PTPRG: variants seen among roughly 807,000 people sequenced by gnomAD.
PTPRG encodes receptor-type tyrosine-protein phosphatase gamma.
Under a neutral mutation model 165.3 loss-of-function variants are expected in PTPRG, and 102 were observed. That is an observed-to-expected ratio of 0.62 (90% CI 0.53 to 0.73). The LOEUF (loss-of-function observed/expected upper bound fraction) is 0.73, where lower values mean the gene tolerates loss of function less well. PTPRG is among the 30% of genes least tolerant of loss of function. The pLI is 0.00. For missense variants in PTPRG, 1,866 were observed against 1,861.4 expected, an observed-to-expected ratio of 1.00 and a Z score of -0.05; for synonymous variants, 675 against 669.5, an observed-to-expected ratio of 1.01 and a Z score of -0.13.
intron 1 of PTPRG, among the ~76,000 whole-genome samples, chr3:61,644,950 G>T (rs999462162): frequency 1.3e-5 from 2 of 152,134 alleles, no homozygotes; most frequent in African/African-American, 4.8e-5. Context: ...AAGTTGTTAG[G>T]ACATTAGAGC....
At chr3:61,904,604 T>C (rs77904682) in intron 2 of PTPRG, among the ~76,000 whole-genome samples, 4,789 of 152,262 alleles carry the variant, frequency 0.031, 88 homozygotes, top group Middle Eastern at 0.051. Context: ...CCTAGTTTCA[T>C]GGTTGGCTTT....
At chr3:62,238,278 G>C (rs934688331) in intron 14 of PTPRG, among the ~76,000 whole-genome samples, 1 of 152,082 alleles carries the variant, frequency 6.6e-6, no homozygotes, top group African/African-American at 2.4e-5. Flanking sequence ...GCTCTTTCTT[G>C]TACCCATCTG....
At chr3:62,288,965 TAA>T (rs1198691254) in intron 28 of PTPRG, among the ~76,000 whole-genome samples, 1 of 152,092 alleles carries the variant, frequency 6.6e-6, no homozygotes, top group East Asian at 1.9e-4. Context: ...AGAAAGAAAA[TAA>T]GCATTTAAGA....
chr3:62,056,858 A>G (rs1243780494), intron 4 of PTPRG, among the ~76,000 whole-genome samples: 1 of 152,184 alleles, frequency 6.6e-6, no homozygotes, highest in African/African-American at 2.4e-5. Context: ...AGTGTGAGGA[A>G]GACAAACTGT....
At chr3:61,636,521 C>T (rs1311862584) in intron 1 of PTPRG, among the ~76,000 whole-genome samples, 1 of 152,130 alleles carries the variant, frequency 6.6e-6, no homozygotes, top group African/African-American at 2.4e-5. Context: ...TGGGTTTCAC[C>T]ATGTTGGTCA....
At chr3:62,012,607 T>A (rs1463766575) in intron 4 of PTPRG, among the ~76,000 whole-genome samples, 1 of 152,224 alleles carries the variant, frequency 6.6e-6, no homozygotes, top group African/African-American at 2.4e-5. Flanking sequence ...TTATAAGTTT[T>A]AAATAATTTT....
At chr3:61,811,332 C>A (rs1187947840) in intron 2 of PTPRG, among the ~76,000 whole-genome samples, 1 of 152,204 alleles carries the variant, frequency 6.6e-6, no homozygotes, top group African/African-American at 2.4e-5. Flanking sequence ...CTCAGTCACC[C>A]AGTGTACCCA....
intron 2 of PTPRG, among the ~76,000 whole-genome samples, chr3:61,825,364 T>A (rs988773421): frequency 2.0e-5 from 3 of 152,106 alleles, no homozygotes; most frequent in Non-Finnish European, 2.9e-5. Flanking sequence ...TACAGAAAAA[T>A]GCAAATAAGT....
rs936910416 is a variant in PTPRG at position 61,838,298 on chromosome 3, ATAAT to A, written c.190+89320_190+89323del. On this transcript the variant is annotated intron_variant, in intron 2 of 29. Transcript: ENST00000474889. The stretch of plus-strand genomic sequence containing the variant: ...GTTGAAGAATCGTTTTTGGTTTCAA[ATAAT>A]TAACCCTAGAAGTTGGGCCTGACTG... Among the ~76,000 whole-genome samples, 14 of 152,330 alleles carry A rather than the reference ATAAT, an allele frequency of 9.2e-5. No homozygotes were observed. In the East Asian group the frequency reaches 1.2e-3, roughly 13 times the overall value.
chr3:61,866,582 CTTTTTT>C (rs532356516), intron 2 of PTPRG, among the ~76,000 whole-genome samples: 69 of 69,050 alleles, frequency 1.0e-3, no homozygotes, highest in African/African-American at 2.8e-3. Flanking sequence ...ACTGTTTGCT[CTTTTTT>C]TTTTTTTTTT....
intron 1 of PTPRG, among the ~76,000 whole-genome samples, chr3:61,612,950 G>T (rs1392949928): frequency 1.3e-5 from 2 of 152,084 alleles, no homozygotes; most frequent in Non-Finnish European, 2.9e-5. Flanking sequence ...ACAAAGGACA[G>T]GTCAGCTTGT....
At chr3:62,160,033 A>T (rs1433210309) in intron 7 of PTPRG, among the ~76,000 whole-genome samples, 3 of 152,244 alleles carry the variant, frequency 2.0e-5, no homozygotes, top group Non-Finnish European at 4.4e-5. Flanking sequence ...CGGAAAAGCC[A>T]AGTAGTCAGG....
intron 5 of PTPRG, among the ~76,000 whole-genome samples, chr3:62,114,740 G>C (rs1702798567): frequency 6.6e-6 from 1 of 152,124 alleles, no homozygotes; most frequent in Non-Finnish European, 1.5e-5. Flanking sequence ...GAACTCTTGA[G>C]CTGAGACAAT....
At chr3:62,276,873 A>T (rs1244414112) in intron 24 of PTPRG, 99 bp from the exon 25 acceptor site, 3 of 857,924 alleles carry the variant, frequency 3.5e-6, no homozygotes, top group Non-Finnish European at 5.7e-6. Context: ...AAGGGAAGCC[A>T]GGAGGATATG....
intron 2 of PTPRG, among the ~76,000 whole-genome samples, chr3:61,858,268 C>G (rs1051068989): frequency 6.6e-6 from 1 of 152,106 alleles, no homozygotes; most frequent in African/African-American, 2.4e-5. Flanking sequence ...CACACTACTA[C>G]CAGAAGCCTA....
At chr3:62,074,486 G>A (rs952592108) in intron 4 of PTPRG, among the ~76,000 whole-genome samples, 3 of 150,750 alleles carry the variant, frequency 2.0e-5, no homozygotes, top group African/African-American at 7.3e-5. Flanking sequence ...CTCCTGAATA[G>A]GTGGGACTAC....
chr3:61,792,532 T>C (rs1316566825), intron 2 of PTPRG, among the ~76,000 whole-genome samples: 2 of 152,190 alleles, frequency 1.3e-5, no homozygotes, highest in African/African-American at 4.8e-5. Flanking sequence ...TGGGCCCACG[T>C]TGGGCTATGC....
intron 2 of PTPRG, among the ~76,000 whole-genome samples, chr3:61,928,755 AT>A (rs1309849116): frequency 9.9e-5 from 15 of 152,148 alleles, no homozygotes; most frequent in Admixed American, 4.6e-4. Context: ...GGGGATGAAA[AT>A]GTCTTATCTC....
At chr3:62,153,873 C>A (rs1054562243) in intron 6 of PTPRG, among the ~76,000 whole-genome samples, 2 of 152,204 alleles carry the variant, frequency 1.3e-5, no homozygotes, top group African/African-American at 2.4e-5. Context: ...AAGGAACTCA[C>A]AAGTGCTGGG....
Sources: allele counts gnomAD v4.1 joint callset (sites outside exome capture counted in the v4.1 genomes callset), GRCh38; gene constraint gnomAD v4.1.1; transcripts MANE v1.5; gene names NCBI Gene and HGNC (gene_info 2026-07-23, HGNC 2026-07-21).